Variants in RNF17 observed in about 807,000 individuals in gnomAD.
The protein encoded by RNF17 is spermatogenesis associated 23.
In RNF17, 31 loss-of-function variants were observed where a neutral mutation model predicts 200.5. The observed-to-expected ratio is 0.15, with a 90% CI of 0.12 to 0.21. RNF17 has a LOEUF of 0.21. RNF17 is among the 10% of genes least tolerant of loss of function. The probability of loss-of-function intolerance (pLI) is 1.00; values close to 1 mark genes in which losing one functional copy is unlikely to be tolerated. For synonymous variants in RNF17, 606 were observed against 637.8 expected (o/e 0.95, Z 0.75); for missense variants, 1,628 against 1,905.1 (o/e 0.85, Z 2.71).
chr13:24,788,126 G>A lies in RNF17; in HGVS notation c.750G>A (p.Ser250=), dbSNP rs142252815. The A allele has an allele frequency of 1.2e-4, 185 of 1,592,534 alleles. No homozygotes were observed. Among genetic ancestry groups the A allele is most frequent in the South Asian group, 5.4e-4 (46 of 85,884 alleles). ...ACATAGCAAGAGCATTACAATTATCGCCTTCTCTAAGAACATACTGTGACC... is the reference window on the plus strand; with the variant it reads ...ACATAGCAAGAGCATTACAATTATCACCTTCTCTAAGAACATACTGTGACC... The part of the protein sequence containing the change: ...AMNIARALQL[S]PSLRTYCDLN... The change falls in exon 7 of 36, where the codon TCG becomes TCA. Residue 250 remains serine (S), a synonymous_variant. Transcript: ENST00000255324.
At chr13:24,822,771 T>C (rs1186546521) in intron 15 of RNF17, among the ~76,000 whole-genome samples, 1 of 152,054 alleles carries the variant, frequency 6.6e-6, no homozygotes, top group East Asian at 1.9e-4. Flanking sequence ...ACCTAAAGGG[T>C]CGTGAATATA....
At chr13:24,882,337 A>G (rs1953886709), downstream of RNF17, 1 of 151,736 alleles carries the variant, frequency 6.6e-6, no homozygotes, top group African/African-American at 2.4e-5. Context: ...GATAGATTTC[A>G]TTAACAAAAC....
At chr13:24,840,462 G>A (rs994870082) in intron 18 of RNF17, among the ~76,000 whole-genome samples, 11 of 152,102 alleles carry the variant, frequency 7.2e-5, no homozygotes, top group South Asian at 2.1e-4. Context: ...TTGCAAAATC[G>A]TGGAACCAAC....
intron 31 of RNF17, among the ~76,000 whole-genome samples, chr13:24,869,505 A>G (rs1894015612): frequency 1.3e-5 from 2 of 152,222 alleles, no homozygotes; most frequent in African/African-American, 2.4e-5. Context: ...CTGCTGAGTT[A>G]AGCACTCTAG....
At chr13:24,773,968 C>A (rs536368003) in intron 2 of RNF17, among the ~76,000 whole-genome samples, 1 of 152,098 alleles carries the variant, frequency 6.6e-6, no homozygotes, top group African/African-American at 2.4e-5. Context: ...AATCAGAGAC[C>A]GCAGGGCCTC....
chr13:24,868,079 T>C (rs1893828069), intron 30 of RNF17, among the ~76,000 whole-genome samples: 1 of 152,204 alleles, frequency 6.6e-6, no homozygotes, highest in African/African-American at 2.4e-5. Context: ...CAAAATACTT[T>C]TTGAAATTAG....
At position 24,767,375 on chromosome 13, in the gene RNF17, T is replaced by G. The variant is rs774086770; in HGVS notation, c.225+9T>G. The G allele has an allele frequency of 6.5e-7, 1 of 1,544,870 alleles. No homozygotes were observed. Among genetic ancestry groups the G allele is most frequent in the Non-Finnish European group, 8.9e-7 (1 of 1,118,390 alleles). On this transcript the variant is annotated intron_variant, in intron 2 of 35. Transcript: ENST00000255324. Reference sequence around the variant, plus strand: ...TATGCCCTGATTGTGAGGTAAGTGTTATAATTTTTCAGATGAAACATATCA... The same window carrying G: ...TATGCCCTGATTGTGAGGTAAGTGTGATAATTTTTCAGATGAAACATATCA...
At position 24,830,488 on chromosome 13, in the gene RNF17, G is replaced by T; in HGVS notation, c.2250G>T (p.Leu750Phe). ...GIWYRAKVIGLPGHQEVEVKY... is the reference protein window; with the variant it reads ...GIWYRAKVIGFPGHQEVEVKY... ...CTAATTTCATAATTTTTCAAGGATT[G>T]CCTGGACATCAGGAAGTTGAAGTTA... is the stretch of plus-strand genomic sequence containing the variant. Residue 750 changes from leucine to phenylalanine, a missense_variant, in exon 17 of 36, where the codon TTG (leucine) becomes TTT (phenylalanine). By Grantham distance (22) the Leu-to-Phe change is conservative. Around this residue, in one of 5 missense-constraint regions of RNF17, gnomAD observed 289 missense variants for 384.9 expected, o/e 0.75. Transcript: ENST00000255324. 6.3e-7 allele frequency: 1 copy of T among 1,578,752 alleles called. No homozygotes were observed. Among genetic ancestry groups the T allele is most frequent in the East Asian group, 2.2e-5 (1 of 44,538 alleles).
chr13:24,856,201 C>A (rs1892472265), intron 25 of RNF17, among the ~76,000 whole-genome samples: 1 of 151,956 alleles, frequency 6.6e-6, no homozygotes, highest in Admixed American at 6.6e-5. Context: ...GTGGGTGGAT[C>A]ACAAAGTCAG....
At chr13:24,754,638 C>T in the RNF17 span, among the ~76,000 whole-genome samples, 5 of 152,182 alleles carry the variant, frequency 3.3e-5, no homozygotes, top group African/African-American at 1.2e-4. Flanking sequence ...TACCTGTAGT[C>T]CCGCACTTTG....
downstream of RNF17, among the ~76,000 whole-genome samples, chr13:24,884,900 C>T (rs1235559033): frequency 6.6e-6 from 1 of 152,226 alleles, no homozygotes; most frequent in East Asian, 1.9e-4. Flanking sequence ...ATATCCCTTT[C>T]TTCCTCATTC....
chr13:24,777,053 A>G (rs1415048040), intron 3 of RNF17, among the ~76,000 whole-genome samples: 5 of 152,206 alleles, frequency 3.3e-5, no homozygotes, highest in East Asian at 3.8e-4. Context: ...AATTATATCT[A>G]TTTTAGAAAC....
intron 12 of RNF17, among the ~76,000 whole-genome samples, chr13:24,799,980 T>C (rs1043971723): frequency 2.0e-5 from 3 of 152,196 alleles, no homozygotes; most frequent in Non-Finnish European, 4.4e-5. Flanking sequence ...TTAAATGGTT[T>C]TCTCTGTCTT....
chr13:24,806,118 T>C (rs1885822138), intron 15 of RNF17, among the ~76,000 whole-genome samples: 2 of 152,222 alleles, frequency 1.3e-5, no homozygotes, highest in African/African-American at 2.4e-5. Context: ...CTCCCACTTA[T>C]GACTGAGAAC....
the RNF17 span, among the ~76,000 whole-genome samples, chr13:24,759,095 A>C: frequency 4.6e-5 from 7 of 151,506 alleles, no homozygotes; most frequent in Non-Finnish European, 1.0e-4. Flanking sequence ...AAAAAAAAAA[A>C]AAAAAAAACA....
intron 26 of RNF17, among the ~76,000 whole-genome samples, chr13:24,860,405 T>C (rs1892975052): frequency 6.6e-6 from 1 of 152,152 alleles, no homozygotes; most frequent in Non-Finnish European, 1.5e-5. Context: ...ACATTTTTAG[T>C]ATACACAATG....
intron 22 of RNF17, among the ~76,000 whole-genome samples, chr13:24,846,045 A>G (rs1352883152): frequency 6.6e-6 from 1 of 152,172 alleles, no homozygotes; most frequent in Non-Finnish European, 1.5e-5. Flanking sequence ...GTGAGCTATG[A>G]TTGTGCTACT....
chr13:24,886,125 TA>T, the RNF17 span: 1 of 410,030 alleles, frequency 2.4e-6, no homozygotes, highest in South Asian at 1.9e-5. Flanking sequence ...CATTACAAAA[TA>T]AACACGCCCC....
chr13:24,837,191 T>C (rs9511469), intron 18 of RNF17, among the ~76,000 whole-genome samples: 14,762 of 152,192 alleles, frequency 0.097, 904 homozygotes, highest in Non-Finnish European at 0.14. Flanking sequence ...CTTAAACATA[T>C]GTGCACCTAA....
Sources: allele counts gnomAD v4.1 joint callset (sites outside exome capture counted in the v4.1 genomes callset), GRCh38; gene constraint gnomAD v4.1.1; regional missense constraint gnomAD v4.1.1; transcripts MANE v1.5; gene names NCBI Gene and HGNC (gene_info 2026-07-23, HGNC 2026-07-21).